Variants in SERINC5 observed in about 807,000 individuals in gnomAD.
SERINC5 encodes the protein serine incorporator 5, also known as chromosome 5 open reading frame 12.
In SERINC5, 41 loss-of-function variants were observed where a neutral mutation model predicts 63.1. The ratio of observed to expected loss-of-function variants is 0.65; its 90% CI spans 0.51 to 0.84. The LOEUF (loss-of-function observed/expected upper bound fraction) is 0.84, where lower values mean the gene tolerates loss of function less well. Ranked by LOEUF, SERINC5 falls within the 40% of genes least tolerant of loss-of-function variation. The pLI, the probability that SERINC5 is intolerant of heterozygous loss-of-function variation, is 0.00. For missense variants in SERINC5, 523 were observed against 573.0 expected (o/e 0.91, Z 0.89); for synonymous variants, 222 against 215.2 (o/e 1.03, Z -0.28).
intron 12 of SERINC5, among the ~76,000 whole-genome samples, chr5:80,112,040 C>T (rs1224053944): frequency 2.0e-5 from 3 of 152,222 alleles, no homozygotes; most frequent in Non-Finnish European, 2.9e-5. Context: ...CCAGGAAAAC[C>T]GGGTATTGTC....
At chr5:80,216,447 G>A (rs1423170427) in intron 1 of SERINC5, among the ~76,000 whole-genome samples, 2 of 152,166 alleles carry the variant, frequency 1.3e-5, no homozygotes, top group Admixed American at 6.5e-5. Context: ...GAGCATGCTG[G>A]CAACTTATGT....
intron 2 of SERINC5, among the ~76,000 whole-genome samples, chr5:80,196,042 A>G (rs4704629): frequency 0.38 from 57,399 of 152,062 alleles, 11,550 homozygotes; most frequent in East Asian, 0.82. Context: ...TGGCATGGCC[A>G]AATCACCGTG....
intron 9 of SERINC5, among the ~76,000 whole-genome samples, chr5:80,148,864 T>C (rs1016446569): frequency 6.6e-6 from 1 of 152,182 alleles, no homozygotes; most frequent in African/African-American, 2.4e-5. Flanking sequence ...GCCAAGCCCT[T>C]GTTTCCCTGC....
intron 1 of SERINC5, among the ~76,000 whole-genome samples, chr5:80,251,279 A>AATACATACATGC (rs76956107): frequency 3.0e-5 from 4 of 133,884 alleles, no homozygotes; most frequent in South Asian, 2.5e-4. Flanking sequence ...CCCATCTTTA[A>AATACATACATGC]ATACATACAT....
chr5:80,182,703 G>A (rs956756535), intron 2 of SERINC5, among the ~76,000 whole-genome samples: 4 of 151,914 alleles, frequency 2.6e-5, no homozygotes, highest in South Asian at 2.1e-4. Flanking sequence ...CTGCCACCAC[G>A]CCTGGCTAAT....
chr5:80,198,747 A>C (rs891482956), intron 2 of SERINC5: 9 of 981,844 alleles, frequency 9.2e-6, no homozygotes, highest in African/African-American at 1.7e-5. Context: ...CCACGAAACA[A>C]GCTGACTTTG....
intron 5 of SERINC5, among the ~76,000 whole-genome samples, chr5:80,173,235 AAG>A (rs1471230748): frequency 4.3e-5 from 5 of 115,004 alleles, no homozygotes; most frequent in African/African-American, 1.0e-4. Context: ...AGAAGGAAGG[AAG>A]GAAGGAAGGA....
At chr5:80,136,973 CCAAAAATA>C (rs1324150804), downstream of SERINC5, among the ~76,000 whole-genome samples, 1 of 151,112 alleles carries the variant, frequency 6.6e-6, no homozygotes, top group Non-Finnish European at 1.5e-5. Flanking sequence ...ATCTCTACCC[CCAAAAATA>C]CAAAAATTAG....
chr5:80,212,275 G>A (rs767605113), intron 1 of SERINC5, among the ~76,000 whole-genome samples: 4 of 152,148 alleles, frequency 2.6e-5, no homozygotes, highest in Non-Finnish European at 5.9e-5. Context: ...GAACTCAGGT[G>A]TTCCTGAGCA....
At chr5:80,149,974 C>T (rs892756699) in intron 9 of SERINC5, among the ~76,000 whole-genome samples, 10 of 152,192 alleles carry the variant, frequency 6.6e-5, no homozygotes, top group Admixed American at 3.3e-4. Context: ...GACTGATAGG[C>T]ATCTGCTGAA....
intron 1 of SERINC5, among the ~76,000 whole-genome samples, chr5:80,239,259 A>G (rs923694864): frequency 2.0e-5 from 3 of 152,186 alleles, no homozygotes; most frequent in African/African-American, 7.2e-5. Flanking sequence ...AGCAGCTGTG[A>G]GACTTTCTCT....
At chr5:80,208,743 T>C (rs1750295179) in intron 1 of SERINC5, among the ~76,000 whole-genome samples, 2 of 152,150 alleles carry the variant, frequency 1.3e-5, no homozygotes, top group South Asian at 4.1e-4. Flanking sequence ...CAGATACATT[T>C]CCAAAAAGAC....
chr5:80,140,012 TTAAA>T lies in SERINC5; in HGVS notation c.*3647_*3650del, dbSNP rs1320038802. The T allele has an allele frequency of 1.0e-6, 1 of 985,106 alleles. No individual in the cohort carries two copies. The highest frequency in any genetic ancestry group is 1.7e-5 in the African/African-American group (1 of 57,150). The allele number at this position is 985,106 out of a possible 1,614,324, so 61.0% of individuals were successfully genotyped here. On this transcript the variant is annotated 3_prime_UTR_variant, in exon 12 of 12. Transcript: ENST00000507668. ...GGTGAAGCACCAATGATGGCAAAAATTAAATAAATACATCATCTTAAAAAGGCAG... is the reference window on the plus strand; with the variant it reads ...GGTGAAGCACCAATGATGGCAAAAATTAAATACATCATCTTAAAAAGGCAG...
intron 11 of SERINC5, among the ~76,000 whole-genome samples, chr5:80,120,370 T>C (rs1475983444): frequency 2.0e-5 from 3 of 152,180 alleles, no homozygotes; most frequent in Non-Finnish European, 4.4e-5. Context: ...TGACAGGTTC[T>C]AGGGAACTGG....
rs1745458155 is a variant in SERINC5, at chr5:80,140,718, A to G, written c.*2945T>C. The stretch of plus-strand genomic sequence containing the variant: ...CATGCCGCGGTATGACACTCCCATA[A>G]GAACCCCCACCCCCCTGCCACCCAC... On this transcript the variant is annotated 3_prime_UTR_variant, in exon 12 of 12. Transcript: ENST00000507668. The G allele has an allele frequency of 1.0e-6, 1 of 985,200 alleles. No individual in the cohort carries two copies. The highest frequency in any genetic ancestry group is 1.2e-6 in the Non-Finnish European group (1 of 829,920). 61.0% of individuals were successfully genotyped at this position (985,200 alleles called of 1,614,324 possible).
At chr5:80,136,987 A>G (rs965847922), downstream of SERINC5, among the ~76,000 whole-genome samples, 9 of 151,854 alleles carry the variant, frequency 5.9e-5, no homozygotes, top group African/African-American at 1.7e-4. Context: ...AAATACAAAA[A>G]TTAGCCAGGC....
At chr5:80,228,883 C>T (rs902071958) in intron 1 of SERINC5, among the ~76,000 whole-genome samples, 8 of 152,072 alleles carry the variant, frequency 5.3e-5, no homozygotes, top group Non-Finnish European at 1.2e-4. Context: ...ATTCCAAACT[C>T]TTCAAAGTTA....
Position 80,166,462 on chromosome 5 carries a change from C to A in SERINC5, c.780G>T (p.Gly260=), listed in dbSNP as rs1039664374. 6.3e-7 allele frequency: 1 copy of A among 1,589,900 alleles called. No homozygotes were observed. The highest frequency in any genetic ancestry group is 8.6e-7 in the Non-Finnish European group (1 of 1,167,842). The change falls in exon 7 of 12, where the codon GGG becomes GGT. Residue 260 remains glycine, a synonymous_variant. Transcript: ENST00000507668. ...PWVQNRQPHS[G]LLQSGVISCY... ...AGCTTATGACCCCTGATTGTAAGAGCCCCGAGTGTGGCTGTCCTGAAAAGT... is the reference window on the plus strand; with the variant it reads ...AGCTTATGACCCCTGATTGTAAGAGACCCGAGTGTGGCTGTCCTGAAAAGT...
At chr5:80,150,787 C>T (rs1746127055) in intron 9 of SERINC5, 95 bp downstream of exon 9, 9 of 882,110 alleles carry the variant, frequency 1.0e-5, no homozygotes, top group Admixed American at 1.8e-5. Context: ...AACAGGATCA[C>T]GGAATGCAGA....
Sources: gnomAD v4.1 joint callset for allele counts (sites outside exome capture counted in the v4.1 genomes callset) on GRCh38, gnomAD v4.1.1 for gene constraint, MANE v1.5 for transcripts, NCBI Gene and HGNC (gene_info 2026-07-23, HGNC 2026-07-21) for gene names.